Variants in CACNA1G observed in about 807,000 individuals in gnomAD.
The protein encoded by CACNA1G is calcium voltage-gated channel subunit alpha1 G.
CACNA1G carries 67 observed loss-of-function variants against 219.4 expected under a neutral mutation model. That is an observed-to-expected ratio of 0.31 (90% CI 0.25 to 0.37). CACNA1G has a LOEUF of 0.37. Among genes scored for constraint, CACNA1G ranks in the 10% least tolerant of loss-of-function variants. The pLI is 1.00. For missense variants in CACNA1G, 2,380 were observed against 3,231.4 expected (o/e 0.74, Z 6.39); for synonymous variants, 1,296 against 1,345.3 (o/e 0.96, Z 0.80).
chr17:50,596,767 C>A lies in CACNA1G; in HGVS notation c.3102C>A (p.Ser1034Arg), dbSNP rs776359855. The A allele has an allele frequency of 3.1e-6, 5 of 1,612,690 alleles. No homozygotes were observed. Among genetic ancestry groups the A allele is most frequent in the Non-Finnish European group, 3.4e-6 (4 of 1,179,760 alleles). ...SLGEHPELRK[S>R]LLPPLIIHTA... Reference sequence around the variant, plus strand: ...GAGAGCACCCGGAGCTGCGGAAGAGCCTGCTGCCGCCTCTCATCATCCACA... The same window carrying A: ...GAGAGCACCCGGAGCTGCGGAAGAGACTGCTGCCGCCTCTCATCATCCACA... Residue 1034 changes from serine (S) to arginine (R), a missense_variant, in exon 16 of 38, where the codon AGC (serine) becomes AGA (arginine). Physicochemically the swap from Ser to Arg is moderately radical, Grantham distance 110. Transcript: ENST00000359106. This position sits in a 1 kb window ranked among gnomAD's most constrained non-coding sequence, Gnocchi z 4.8.
At chr17:50,599,269 G>A (rs2046145230) in intron 16 of CACNA1G, among the ~76,000 whole-genome samples, 159 bp from the exon 17 acceptor site, 2 of 152,316 alleles carry the variant, frequency 1.3e-5, no homozygotes, top group South Asian at 4.1e-4. Context: ...GCTGGTTGGG[G>A]TGAGCCAGGA....
intron 35 of CACNA1G, among the ~76,000 whole-genome samples, chr17:50,623,563 C>CT (rs1200039784): frequency 6.6e-6 from 1 of 151,966 alleles, no homozygotes; most frequent in African/African-American, 2.4e-5. Flanking sequence ...GGGCTGGGGG[C>CT]TGCTCTCCCT....
chr17:50,568,796 G>A (rs945401425), intron 1 of CACNA1G, 74 bp from the exon 2 acceptor site: 15 of 1,121,798 alleles, frequency 1.3e-5, no homozygotes, highest in African/African-American at 1.2e-4. Context: ...TAAACGAGGA[G>A]GAGGTGTTAG....
At chr17:50,615,534 A>G (rs202139598) in intron 27 of CACNA1G, 22 bp downstream of exon 27, 6 of 1,608,348 alleles carry the variant, frequency 3.7e-6, no homozygotes, top group African/African-American at 2.7e-5. Context: ...TGGACCAGCC[A>G]TCTGGCCCCC....
chr17:50,576,379 C>G, intron 8 of CACNA1G, 53 bp downstream of exon 8: 2 of 1,514,476 alleles, frequency 1.3e-6, no homozygotes, highest in Non-Finnish European at 9.0e-7. Context: ...GACTGGGTGG[C>G]GTCCCAGAGG....
chr17:50,594,207 G>A (rs1373013359), intron 13 of CACNA1G, among the ~76,000 whole-genome samples: 1 of 152,196 alleles, frequency 6.6e-6, no homozygotes, highest in Non-Finnish European at 1.5e-5. Context: ...CTTGCAGGGG[G>A]CAGCGCCCTG....
intron 1 of CACNA1G, among the ~76,000 whole-genome samples, chr17:50,565,189 G>T (rs2037368481): frequency 6.6e-6 from 1 of 152,138 alleles, no homozygotes; most frequent in Non-Finnish European, 1.5e-5. Context: ...CAGATTTCTG[G>T]CCTATTTCCC....
chr17:50,577,012 GC>G (rs1381020796), intron 8 of CACNA1G, among the ~76,000 whole-genome samples: 1 of 152,214 alleles, frequency 6.6e-6, no homozygotes, highest in East Asian at 1.9e-4. Flanking sequence ...GCAGCCCACG[GC>G]CTGTGTTTCA....
Position 50,621,572 on chromosome 17 carries a change from G to A in CACNA1G, c.5926-88G>A. ...TGTGCTTCGTGAAAAGGGGGAAGTG[G>A]GGACTGAGAGAGAGCGCGTGTGTGC... On this transcript the variant is annotated intron_variant, in intron 34 of 37. Transcript: ENST00000359106. The surrounding 1 kb of genome is among the most constrained non-coding windows in gnomAD (Gnocchi z 4.6). The A allele has an allele frequency of 7.0e-7, 1 of 1,429,320 alleles. No homozygotes were observed. The highest frequency in any genetic ancestry group is 2.3e-5 in the East Asian group (1 of 42,942). 88.5% of individuals were successfully genotyped at this position (1,429,320 alleles called of 1,614,324 possible).
chr17:50,592,102 T>G lies in CACNA1G; in HGVS notation c.2910+10T>G, dbSNP rs367688522. On this transcript the variant is annotated intron_variant, in intron 13 of 37. Transcript: ENST00000359106. ...GGGCTTCCAGGCGGAGGTAACCCAC[T>G]GCTCTGCCCACCTCACCCTGCCCAC... is the stretch of plus-strand genomic sequence containing the variant. 2.9e-5 allele frequency: 47 copies of G among 1,606,936 alleles called. No homozygotes were observed. The highest frequency in any genetic ancestry group is 3.7e-5 in the Non-Finnish European group (44 of 1,176,108).
At position 50,591,785 on chromosome 17, in the gene CACNA1G, G is replaced by C. The variant is rs775432895; in HGVS notation, c.2686G>C (p.Asp896His). The change falls in exon 12 of 38, where the codon GAT becomes CAT. Residue 896 changes from aspartate (D) to histidine (H), a missense_variant. Asp to His is a moderately conservative substitution (Grantham distance 81). Transcript: ENST00000359106. Reference protein sequence around the residue: ...LFGCKFASERDGDTLPDRKNF... With the variant: ...LFGCKFASERHGDTLPDRKNF... ...CGGCTGCAAGTTTGCCTCTGAGCGGGATGGGGACACCCTGCCAGACCGGAA... is the reference window on the plus strand; with the variant it reads ...CGGCTGCAAGTTTGCCTCTGAGCGGCATGGGGACACCCTGCCAGACCGGAA... The C allele has an allele frequency of 3.1e-6, 5 of 1,613,862 alleles. No individual in the cohort carries two copies. In the African/African-American group the frequency reaches 5.3e-5, roughly 17 times the overall value.
In CACNA1G at chr17:50,572,808, C is replaced by G; in HGVS notation, c.1001C>G (p.Ala334Gly). 6.2e-7 allele frequency: 1 copy of G among 1,613,976 alleles called. No homozygotes were observed. Among genetic ancestry groups the G allele is most frequent in the Non-Finnish European group, 8.5e-7 (1 of 1,179,906 alleles). Residue 334 changes from alanine to glycine, a missense_variant, in exon 6 of 38, where the codon GCC becomes GGC. Physicochemically the swap from Ala to Gly is moderately conservative, Grantham distance 60 (BLOSUM62 0). This residue lies in a region of CACNA1G where 72 missense variants were observed against 175.8 expected (regional missense o/e 0.41). Transcript: ENST00000359106. ...SAGEHNPFKG[A>G]INFDNIGYAW... ...GGGGAGCACAACCCCTTCAAGGGCG[C>G]CATCAACTTTGACAACATTGGCTAT...
rs999604556 is a variant in CACNA1G at position 50,627,399 on chromosome 17, T to G, written c.*648T>G. 1.1e-4 allele frequency: 43 copies of G among 378,184 alleles called. No homozygotes were observed. Among genetic ancestry groups the G allele is most frequent in the Non-Finnish European group, 1.9e-4 (37 of 196,968 alleles). The allele number at this position is 378,184 out of a possible 1,614,324, so 23.4% of individuals were successfully genotyped here. A position where few individuals can be genotyped will look rare whatever the true frequency, so the allele number is the denominator to read the frequency against. ...AGATTTTACAAGTGAAATGGAACCT[T>G]TTTATATATACATACATACATATCT... On this transcript the variant is annotated 3_prime_UTR_variant, in exon 38 of 38. Coordinates refer to ENST00000359106, the MANE Select transcript of CACNA1G (RefSeq NM_018896.5).
Position 50,585,733 on chromosome 17 carries a change from G to A in CACNA1G, c.2302-4738G>A, listed in dbSNP as rs547007451. ...CATGATGAGGCCTGTGAGATTTCCA[G>A]GAAACCTCCTGCCACCGAGGTGTTC... On this transcript the variant is annotated intron_variant, in intron 9 of 37. Coordinates refer to ENST00000359106, the MANE Select transcript of CACNA1G (RefSeq NM_018896.5). Among the ~76,000 whole-genome samples, 7 of 152,250 alleles carry A rather than the reference G, an allele frequency of 4.6e-5. No individual in the cohort carries two copies. In the South Asian group the frequency reaches 1.5e-3, roughly 32 times the overall value.
chr17:50,575,899 C>A lies in CACNA1G; in HGVS notation c.1497C>A (p.His499Gln). 1.3e-6 allele frequency: 2 copies of A among 1,557,334 alleles called. No homozygotes were observed. The highest frequency in any genetic ancestry group is 1.7e-6 in the Non-Finnish European group (2 of 1,151,658). ...LSVHHLVHHH[H>Q]HHHHHYHLGN... Reference sequence around the variant, plus strand: ...TCCACCACCTGGTGCACCACCACCACCACCATCACCACCACTACCACCTGG... The same window carrying A: ...TCCACCACCTGGTGCACCACCACCAACACCATCACCACCACTACCACCTGG... Residue 499 changes from histidine (H) to glutamine (Q), a missense_variant, in exon 8 of 38, where the codon CAC becomes CAA. Physicochemically the swap from His to Gln is conservative, Grantham distance 24 (BLOSUM62 0). This residue lies in a region of CACNA1G where 434 missense variants were observed against 417.3 expected (regional missense o/e 1.04). Coordinates refer to ENST00000359106, the MANE Select transcript of CACNA1G (RefSeq NM_018896.5).
intron 26 of CACNA1G, 101 bp from the exon 27 acceptor site, chr17:50,615,260 A>C (rs1237973417): frequency 8.8e-7 from 1 of 1,141,614 alleles, no homozygotes; most frequent in Non-Finnish European, 1.2e-6. Context: ...GGAATGTTTC[A>C]GTTCTGGCGT....
chr17:50,594,262 G>A (rs1349614397), intron 13 of CACNA1G, among the ~76,000 whole-genome samples: 1 of 152,192 alleles, frequency 6.6e-6, no homozygotes, highest in Non-Finnish European at 1.5e-5. Flanking sequence ...AAATGAACAG[G>A]CAGCAGGCCC....
chr17:50,578,397 C>T lies in CACNA1G; in HGVS notation c.2134C>T (p.Arg712Trp), dbSNP rs781006063. ...HSDLRDPHSR[R>W]QRSLGPDAEP... ...CGACCTCCGGGACCCCCACAGCCGG[C>T]GGCAACGGAGCCTGGGCCCAGATGC... The change falls in exon 9 of 38, where the codon CGG becomes TGG. Residue 712 changes from arginine to tryptophan, a missense_variant. Around this residue, in one of 17 missense-constraint regions of CACNA1G, gnomAD observed 434 missense variants for 417.3 expected, o/e 1.04. Transcript: ENST00000359106. The surrounding 1 kb of genome is among the most constrained non-coding windows in gnomAD (Gnocchi z 4.5). The T allele has an allele frequency of 4.2e-5, 68 of 1,613,190 alleles. No homozygotes were observed. Among genetic ancestry groups the T allele is most frequent in the South Asian group, 3.4e-4 (31 of 91,074 alleles).
At chr17:50,574,422 A>C (rs1347070102) in intron 7 of CACNA1G, among the ~76,000 whole-genome samples, 1 of 152,268 alleles carries the variant, frequency 6.6e-6, no homozygotes, top group Non-Finnish European at 1.5e-5. Flanking sequence ...AGGCCACCTC[A>C]TTCTGCCTGC....
Sources: allele counts gnomAD v4.1 joint callset (sites outside exome capture counted in the v4.1 genomes callset), GRCh38; gene constraint gnomAD v4.1.1; regional missense constraint gnomAD v4.1.1; non-coding constraint Gnocchi (gnomAD v3.1); transcripts MANE v1.5; gene names NCBI Gene and HGNC (gene_info 2026-07-23, HGNC 2026-07-21).